The following SPIN1 variants were observed in gnomAD, a reference collection of about 807,000 sequenced individuals.
SPIN1 encodes spindlin 1.
In SPIN1, 3 loss-of-function variants were observed where a neutral mutation model predicts 26.0. The ratio of observed to expected loss-of-function variants is 0.12; its 90% CI spans 0.05 to 0.30. The LOEUF is 0.30. SPIN1 is among the 10% of genes least tolerant of loss of function. The probability of loss-of-function intolerance (pLI) is 1.00; values close to 1 mark genes in which losing one functional copy is unlikely to be tolerated. For synonymous variants in SPIN1, 101 were observed against 116.5 expected (o/e 0.87, Z 0.86); for missense variants, 126 against 333.4 (o/e 0.38, Z 4.84).
intron 1 of SPIN1, among the ~76,000 whole-genome samples, chr9:88,399,903 G>A (rs1248070026): frequency 2.6e-5 from 4 of 152,228 alleles, no homozygotes; most frequent in African/African-American, 9.6e-5. Flanking sequence ...AAATGCAAAT[G>A]TAATTCCTAA....
intron 2 of SPIN1, among the ~76,000 whole-genome samples, chr9:88,442,981 G>A (rs974423724): frequency 2.0e-5 from 3 of 151,646 alleles, no homozygotes; most frequent in African/African-American, 7.3e-5. Flanking sequence ...TTAGCTGGGC[G>A]TGGTGGCACA....
At chr9:88,404,814 G>A (rs909364606) in intron 1 of SPIN1, among the ~76,000 whole-genome samples, 11 of 151,718 alleles carry the variant, frequency 7.3e-5, no homozygotes, top group Non-Finnish European at 1.5e-4. Flanking sequence ...TACTCGGGAG[G>A]CTGAGGCAGG....
chr9:88,443,428 C>T (rs896921609), intron 2 of SPIN1, among the ~76,000 whole-genome samples: 2 of 152,154 alleles, frequency 1.3e-5, no homozygotes, highest in Non-Finnish European at 2.9e-5. Flanking sequence ...AGTTCCATCT[C>T]TGTATATATT....
chr9:88,403,694 CAG>C (rs1477957832), intron 1 of SPIN1, among the ~76,000 whole-genome samples: 1 of 152,040 alleles, frequency 6.6e-6, no homozygotes, highest in African/African-American at 2.4e-5. Context: ...GCCTGGGTGA[CAG>C]AGTAAGATCC....
intron 5 of SPIN1, among the ~76,000 whole-genome samples, chr9:88,472,179 A>G (rs1469231668): frequency 6.6e-6 from 1 of 152,178 alleles, no homozygotes; most frequent in African/African-American, 2.4e-5. Context: ...AACTTGTCAG[A>G]ACAAAGAAGT....
At chr9:88,389,970 GTAC>G (rs1826883893) in intron 1 of SPIN1, among the ~76,000 whole-genome samples, 1 of 151,988 alleles carries the variant, frequency 6.6e-6, no homozygotes, top group Non-Finnish European at 1.5e-5. Flanking sequence ...AAATATTGTA[GTAC>G]CTGGTAATTT....
At chr9:88,389,504 A>G (rs1354858351) in intron 1 of SPIN1, 5 of 152,280 alleles carry the variant, frequency 3.3e-5, no homozygotes, top group Middle Eastern at 3.4e-3. Flanking sequence ...CTTTTTACTT[A>G]TAATTTTTGA....
At chr9:88,445,562 T>A (rs1057350142) in intron 2 of SPIN1, among the ~76,000 whole-genome samples, 7 of 140,802 alleles carry the variant, frequency 5.0e-5, no homozygotes, top group South Asian at 4.4e-4. Context: ...TTATTATTAT[T>A]ATATTGAGAT....
intron 1 of SPIN1, among the ~76,000 whole-genome samples, chr9:88,423,157 A>C (rs1412422172): frequency 6.6e-6 from 1 of 152,210 alleles, no homozygotes; most frequent in Non-Finnish European, 1.5e-5. Context: ...ATGAAGTGGA[A>C]AACAGCAGAA....
At chr9:88,436,763 T>TC (rs1828007381) in intron 2 of SPIN1, among the ~76,000 whole-genome samples, 1 of 75,766 alleles carries the variant, frequency 1.3e-5, no homozygotes, top group Non-Finnish European at 2.1e-5. Flanking sequence ...TCTTTTTTTT[T>TC]TTTTTTTTTT....
chr9:88,467,882 G>T (rs1301194470), intron 4 of SPIN1, among the ~76,000 whole-genome samples: 1 of 149,146 alleles, frequency 6.7e-6, no homozygotes, highest in Non-Finnish European at 1.5e-5. Flanking sequence ...TCTGTGCCTT[G>T]AATAGCTTTT....
intron 2 of SPIN1, among the ~76,000 whole-genome samples, chr9:88,432,196 G>GCCCCCCCCTT (rs1564030849): frequency 1.8e-4 from 1 of 5,566 alleles, no homozygotes; most frequent in Admixed American, 2.6e-3. Flanking sequence ...CCCACCCCCA[G>GCCCCCCCCTT]TTTTTTTTTT....
intron 4 of SPIN1, among the ~76,000 whole-genome samples, chr9:88,465,379 T>C (rs1367837957): frequency 6.6e-6 from 1 of 152,202 alleles, no homozygotes; most frequent in East Asian, 1.9e-4. Context: ...CCATACTGTT[T>C]TCCACAGCAG....
intron 5 of SPIN1, among the ~76,000 whole-genome samples, chr9:88,472,767 G>A (rs2118234494): frequency 6.6e-6 from 1 of 152,360 alleles, no homozygotes; most frequent in East Asian, 1.9e-4. Flanking sequence ...GGGATTAAAG[G>A]CGTGAGCCAC....
chr9:88,439,415 A>T (rs547512836), intron 2 of SPIN1, among the ~76,000 whole-genome samples: 54 of 152,322 alleles, frequency 3.5e-4, no homozygotes, highest in African/African-American at 1.1e-3. Flanking sequence ...GCACAAAATT[A>T]TTTAAAATAT....
intron 3 of SPIN1, among the ~76,000 whole-genome samples, chr9:88,455,980 C>T (rs375623858): frequency 2.0e-5 from 3 of 152,154 alleles, no homozygotes; most frequent in African/African-American, 7.2e-5. Flanking sequence ...ATTTTTAATA[C>T]GTATATAGTT....
At chr9:88,435,204 ATT>A (rs1827976205) in intron 2 of SPIN1, among the ~76,000 whole-genome samples, 1 of 150,562 alleles carries the variant, frequency 6.6e-6, no homozygotes, top group South Asian at 2.1e-4. Context: ...ATTATTTTGC[ATT>A]CTTTTTTTTT....
chr9:88,408,543 A>G (rs1225243396), intron 1 of SPIN1, among the ~76,000 whole-genome samples: 1 of 150,426 alleles, frequency 6.6e-6, no homozygotes, highest in Non-Finnish European at 1.5e-5. Context: ...GGCCTCATTC[A>G]TTTTTGTATT....
intron 1 of SPIN1, among the ~76,000 whole-genome samples, chr9:88,408,854 C>G (rs568815586): frequency 1.3e-5 from 2 of 149,232 alleles, no homozygotes; most frequent in Non-Finnish European, 3.0e-5. Context: ...TTAGTAGAGA[C>G]GGGGTTTCAC....
Sources: gnomAD v4.1 joint callset for allele counts (sites outside exome capture counted in the v4.1 genomes callset) on GRCh38, gnomAD v4.1.1 for gene constraint, MANE v1.5 for transcripts, NCBI Gene and HGNC (gene_info 2026-07-23, HGNC 2026-07-21) for gene names.